SLC9D1: variants seen among roughly 807,000 people sequenced by gnomAD.
The protein encoded by SLC9D1 is solute carrier family 9 member D1.
At chr13:113,494,657 T>TAC in the SLC9D1 span, among the ~76,000 whole-genome samples, 4 of 150,946 alleles carry the variant, frequency 2.6e-5, no homozygotes, top group African/African-American at 7.3e-5. Flanking sequence ...TATTGTGGCA[T>TAC]ATATATATAT....
At chr13:113,534,115 C>G in the SLC9D1 span, 9 of 1,551,950 alleles carry the variant, frequency 5.8e-6, no homozygotes. Context: ...GGCGGTTTTT[C>G]TTTTATGTCT....
At chr13:113,517,380 C>G in the SLC9D1 span, among the ~76,000 whole-genome samples, 1 of 152,032 alleles carries the variant, frequency 6.6e-6, no homozygotes, top group Non-Finnish European at 1.5e-5. Flanking sequence ...CTACAGGCGC[C>G]CGCCACCACG....
At chr13:113,548,515 C>CGGGTGTGGCGAA in the SLC9D1 span, 1 of 1,537,968 alleles carries the variant, frequency 6.5e-7, no homozygotes, top group Non-Finnish European at 8.7e-7. Flanking sequence ...GGGTTTGAGT[C>CGGGTGTGGCGAA]GGGTGTGGCG....
chr13:113,506,278 A>C, the SLC9D1 span, among the ~76,000 whole-genome samples: 34 of 41,174 alleles, frequency 8.3e-4, no homozygotes, highest in African/African-American at 2.1e-3. Context: ...GGTAAGGGGG[A>C]GTGGGCCGCG....
the SLC9D1 span, chr13:113,498,614 T>C: frequency 2.9e-6 from 3 of 1,028,286 alleles, no homozygotes; most frequent in Non-Finnish European, 4.2e-6. Flanking sequence ...ATGTTTTTAA[T>C]GTAGATTGAA....
At chr13:113,509,404 A>G in the SLC9D1 span, among the ~76,000 whole-genome samples, 9,129 of 142,294 alleles carry the variant, frequency 0.064, 617 homozygotes, top group Non-Finnish European at 0.078. Context: ...CTGCCTGTCT[A>G]TGTTGGGACT....
the SLC9D1 span, among the ~76,000 whole-genome samples, chr13:113,513,960 G>A: frequency 4.6e-5 from 7 of 152,178 alleles, no homozygotes; most frequent in Non-Finnish European, 5.9e-5. Flanking sequence ...GGGGGTCGGG[G>A]CCCACAGCCC....
At chr13:113,505,282 G>A in the SLC9D1 span, 1 of 152,144 alleles carries the variant, frequency 6.6e-6, no homozygotes, top group Admixed American at 6.5e-5. Flanking sequence ...GAGCTGTCTA[G>A]CAATTTGACC....
the SLC9D1 span, among the ~76,000 whole-genome samples, chr13:113,517,242 G>A: frequency 6.6e-6 from 1 of 152,184 alleles, no homozygotes; most frequent in African/African-American, 2.4e-5. Flanking sequence ...AGCCTTTGTT[G>A]TTGTTGTTGA....
At chr13:113,502,916 A>C in the SLC9D1 span, among the ~76,000 whole-genome samples, 6 of 152,186 alleles carry the variant, frequency 3.9e-5, no homozygotes, top group Non-Finnish European at 7.3e-5. Flanking sequence ...CGCGCCCAGC[A>C]CCCTGGGCCT....
At chr13:113,531,695 G>A in the SLC9D1 span, among the ~76,000 whole-genome samples, 2 of 151,642 alleles carry the variant, frequency 1.3e-5, no homozygotes, top group African/African-American at 4.8e-5. Flanking sequence ...CCCCGTACAT[G>A]CAGATCAAGA....
chr13:113,516,433 C>T, the SLC9D1 span, among the ~76,000 whole-genome samples: 1 of 151,930 alleles, frequency 6.6e-6, no homozygotes, highest in African/African-American at 2.4e-5. Flanking sequence ...GGCATGGTGG[C>T]ACACGCCTGT....
At chr13:113,509,801 T>G in the SLC9D1 span, among the ~76,000 whole-genome samples, 2 of 152,212 alleles carry the variant, frequency 1.3e-5, no homozygotes, top group Non-Finnish European at 2.9e-5. Context: ...TTTAACACAG[T>G]GCTGAGTGCA....
chr13:113,502,022 C>T, the SLC9D1 span: 18,543 of 684,876 alleles, frequency 0.027, 421 homozygotes, highest in East Asian at 0.092. Flanking sequence ...TCAGGTGTCA[C>T]GGGAAGTCTC....
chr13:113,537,187 A>C, the SLC9D1 span, among the ~76,000 whole-genome samples: 57,311 of 152,092 alleles, frequency 0.38, 11,501 homozygotes, highest in African/African-American at 0.51. Flanking sequence ...GTCCTTCTTA[A>C]AAATTTATTT....
chr13:113,526,221 TA>T, the SLC9D1 span, among the ~76,000 whole-genome samples: 1 of 152,082 alleles, frequency 6.6e-6, no homozygotes, highest in Non-Finnish European at 1.5e-5. Context: ...CCAAAAAGTT[TA>T]AAAAGTTAAA....
chr13:113,543,120 TCC>T, the SLC9D1 span, among the ~76,000 whole-genome samples: 1 of 63,268 alleles, frequency 1.6e-5, no homozygotes, highest in Non-Finnish European at 2.9e-5. Context: ...CCCCCAGCCC[TCC>T]CTGTCCGTGA....
At chr13:113,544,430 G>A in the SLC9D1 span, among the ~76,000 whole-genome samples, 5 of 141,346 alleles carry the variant, frequency 3.5e-5, no homozygotes, top group Non-Finnish European at 7.4e-5. Context: ...TTCGGAGCAG[G>A]TGGTCTTCCC....
chr13:113,509,712 G>C, the SLC9D1 span, among the ~76,000 whole-genome samples: 1 of 152,330 alleles, frequency 6.6e-6, no homozygotes, highest in African/African-American at 2.4e-5. Context: ...TTTGGTTGAT[G>C]TATCGTATTT....
Sources: gnomAD v4.1 joint callset for allele counts (sites outside exome capture counted in the v4.1 genomes callset) on GRCh38, gnomAD v4.1.1 for gene constraint, MANE v1.5 for transcripts, NCBI Gene and HGNC (gene_info 2026-07-23, HGNC 2026-07-21) for gene names.